Variants in MYT1L observed in about 807,000 individuals in gnomAD.
MYT1L encodes myelin transcription factor 1 like.
MYT1L carries 12 observed loss-of-function variants against 126.7 expected under a neutral mutation model. That is an observed-to-expected ratio of 0.09 (90% confidence interval 0.06 to 0.15). MYT1L has a LOEUF of 0.15. Among genes scored for constraint, MYT1L ranks in the 10% least tolerant of loss-of-function variants. MYT1L has a pLI of 1.00. For missense variants in MYT1L, 979 were observed against 1,585.2 expected, an observed-to-expected ratio of 0.62 and a Z score of 6.49; for synonymous variants, 541 against 604.2, an observed-to-expected ratio of 0.90 and a Z score of 1.53.
In MYT1L at chr2:1,979,446, G is replaced by A; in HGVS notation, c.89+75C>T. The A allele has an allele frequency of 7.2e-7, 1 of 1,387,602 alleles. No individual in the cohort carries two copies. The highest frequency in any genetic ancestry group is 1.0e-6 in the Non-Finnish European group (1 of 973,888). 86.0% of individuals were successfully genotyped at this position (1,387,602 alleles called of 1,614,324 possible). Reference sequence around the variant, plus strand: ...GAGCAAGCTGCCGATGAGCTGGAAGGTGCAGTGTGCCCATTAGAAGGCGTG... The same window carrying A: ...GAGCAAGCTGCCGATGAGCTGGAAGATGCAGTGTGCCCATTAGAAGGCGTG... On this transcript the variant is annotated intron_variant, in intron 7 of 24. Coordinates refer to ENST00000647738, the MANE Select transcript of MYT1L (RefSeq NM_001303052.2). This position sits in a 1 kb window ranked among gnomAD's most constrained non-coding sequence, Gnocchi z 4.0.
intron 1 of MYT1L, among the ~76,000 whole-genome samples, chr2:2,296,557 T>C (rs2095697128): frequency 6.6e-6 from 1 of 152,174 alleles, no homozygotes; most frequent in East Asian, 1.9e-4. Context: ...AGATGTTTTG[T>C]TTTTTTCTAG....
intron 3 of MYT1L, among the ~76,000 whole-genome samples, chr2:2,144,354 C>T (rs1386866008): frequency 2.0e-5 from 3 of 152,168 alleles, no homozygotes; most frequent in Non-Finnish European, 4.4e-5. Context: ...CCTCATCTCA[C>T]GTTTCCACCT....
rs372409915 is a variant in MYT1L, at chr2:1,885,303, C to T, written c.2711+1236G>A. 3.9e-5 allele frequency: 6 copies of T among 152,836 alleles called. No homozygotes were observed. The South Asian group carries it at 6.2e-4, about 16-fold the overall frequency. The allele number at this position is 152,836 out of a possible 1,614,324, so 9.5% of individuals were successfully genotyped here. A position where few individuals can be genotyped will look rare whatever the true frequency, so the allele number is the denominator to read the frequency against. On this transcript the variant is annotated intron_variant, in intron 18 of 24. Coordinates refer to ENST00000647738, the MANE Select transcript of MYT1L (RefSeq NM_001303052.2). ...TGCTAATGCTGTCCGTTTTGAGATC[C>T]TAAATCTACTTTTCCATGAGGCACT...
chr2:1,831,673 C>T (rs774068258), intron 21 of MYT1L, among the ~76,000 whole-genome samples: 14 of 152,182 alleles, frequency 9.2e-5, no homozygotes, highest in East Asian at 1.9e-4. Flanking sequence ...TCCGCCACAC[C>T]GGCCTCTCGC....
chr2:2,106,103 C>T lies in MYT1L; in HGVS notation c.-303-51980G>A, dbSNP rs192675773. On this transcript the variant is annotated intron_variant, in intron 3 of 24. Transcript: ENST00000647738. ...ACTGCAGTGTGGAGCACCACGCAGC[C>T]AGCTCATGGAGGGAATGTGGCTCAC... Among the ~76,000 whole-genome samples, 388 of 152,274 alleles carry T rather than the reference C, an allele frequency of 2.5e-3. 2 individuals carry two copies. Among genetic ancestry groups the T allele is most frequent in the Non-Finnish European group, 3.1e-3 (208 of 68,012 alleles).
chr2:1,931,960 G>A (rs2055062987), intron 9 of MYT1L, among the ~76,000 whole-genome samples: 1 of 152,140 alleles, frequency 6.6e-6, no homozygotes, highest in Admixed American at 6.5e-5. Flanking sequence ...TCACACATAC[G>A]TGAGGATGCC....
intron 3 of MYT1L, among the ~76,000 whole-genome samples, chr2:2,113,027 C>T (rs752273987): frequency 2.0e-5 from 3 of 152,140 alleles, no homozygotes; most frequent in Non-Finnish European, 4.4e-5. Context: ...GCTGTGGCCA[C>T]GACGAGGAGC....
chr2:1,983,029 G>A (rs1174453850), intron 5 of MYT1L, among the ~76,000 whole-genome samples: 1 of 151,894 alleles, frequency 6.6e-6, no homozygotes, highest in African/African-American at 2.4e-5. Flanking sequence ...ATGCATATAG[G>A]GGCAAACTTA....
chr2:2,017,258 T>C (rs1301730957), intron 4 of MYT1L, among the ~76,000 whole-genome samples: 5 of 152,230 alleles, frequency 3.3e-5, no homozygotes, highest in African/African-American at 4.8e-5. Context: ...CCTTCCTTTG[T>C]AGCATTCTGC....
chr2:1,870,033 T>G (rs2148701130), intron 18 of MYT1L, among the ~76,000 whole-genome samples: 1 of 152,134 alleles, frequency 6.6e-6, no homozygotes, highest in Middle Eastern at 3.4e-3. Flanking sequence ...TGTCAGACGA[T>G]TTTTCAGAGC....
At chr2:1,861,947 G>GACTGCAGCTTCTGTAATCCCAGATCTT (rs2044715331) in intron 18 of MYT1L, among the ~76,000 whole-genome samples, 1 of 144,490 alleles carries the variant, frequency 6.9e-6, no homozygotes. Context: ...TCCTGGATCT[G>GACTGCAGCTTCTGTAATCCCAGATCTT]CCTGCAGCCT....
At chr2:2,117,392 C>A (rs917039793) in intron 3 of MYT1L, among the ~76,000 whole-genome samples, 7 of 152,170 alleles carry the variant, frequency 4.6e-5, no homozygotes, top group African/African-American at 1.2e-4. Context: ...GACGTCTCCA[C>A]CCTCAGGGAT....
At chr2:2,028,698 T>C (rs1165690207) in intron 4 of MYT1L, among the ~76,000 whole-genome samples, 1 of 152,218 alleles carries the variant, frequency 6.6e-6, no homozygotes, top group Non-Finnish European at 1.5e-5. Context: ...CCACAAACAT[T>C]GATTTGTCAA....
At chr2:2,112,995 A>T (rs1449237147) in intron 3 of MYT1L, among the ~76,000 whole-genome samples, 2 of 152,110 alleles carry the variant, frequency 1.3e-5, no homozygotes, top group African/African-American at 4.8e-5. Context: ...GGAAGGCAGC[A>T]AGTGCTCAGC....
At chr2:2,217,861 A>G (rs2093737094) in intron 2 of MYT1L, among the ~76,000 whole-genome samples, 1 of 152,226 alleles carries the variant, frequency 6.6e-6, no homozygotes, top group African/African-American at 2.4e-5. Context: ...AGAGCTCTCG[A>G]AACTTAATGA....
chr2:1,840,267 A>G (rs756853194), intron 20 of MYT1L, among the ~76,000 whole-genome samples: 2 of 152,046 alleles, frequency 1.3e-5, no homozygotes, highest in Non-Finnish European at 2.9e-5. Flanking sequence ...ATGGGGACAA[A>G]CACCCCCTTG....
At position 1,910,184 on chromosome 2, in the gene MYT1L, G is replaced by T; in HGVS notation, c.1817+56C>A. On this transcript the variant is annotated intron_variant, in intron 13 of 24. Coordinates refer to ENST00000647738, the MANE Select transcript of MYT1L (RefSeq NM_001303052.2). This position sits in a 1 kb window ranked among gnomAD's most constrained non-coding sequence, Gnocchi z 4.8. Reference sequence around the variant, plus strand: ...CCTGAGCGGGTGTCCCCAGCGCTCCGAGGTGTGGGGCAGACTATGGATAGA... The same window carrying T: ...CCTGAGCGGGTGTCCCCAGCGCTCCTAGGTGTGGGGCAGACTATGGATAGA... The T allele has an allele frequency of 6.6e-7, 1 of 1,511,188 alleles. No individual in the cohort carries two copies. The highest frequency in any genetic ancestry group is 9.1e-7 in the Non-Finnish European group (1 of 1,094,672). The allele number at this position is 1,511,188 out of a possible 1,614,324, so 93.6% of individuals were successfully genotyped here.
At position 1,790,639 on chromosome 2, in the gene MYT1L, G is replaced by C. The variant is rs566681030; in HGVS notation, c.*1228C>G. On this transcript the variant is annotated 3_prime_UTR_variant, in exon 25 of 25. Coordinates refer to ENST00000647738, the MANE Select transcript of MYT1L (RefSeq NM_001303052.2). ...CACCCAAGTGTAGAACAGAAACGTCGTGGTAAGAGTCCTCTGAATAGGACC... is the reference window on the plus strand; with the variant it reads ...CACCCAAGTGTAGAACAGAAACGTCCTGGTAAGAGTCCTCTGAATAGGACC... The C allele has an allele frequency of 6.6e-6, 1 of 152,072 alleles. No homozygotes were observed. The highest frequency in any genetic ancestry group is 2.4e-5 in the African/African-American group (1 of 40,982). 9.4% of individuals were successfully genotyped at this position (152,072 alleles called of 1,614,324 possible).
chr2:2,184,508 C>T (rs2091909480), intron 2 of MYT1L, among the ~76,000 whole-genome samples: 1 of 152,144 alleles, frequency 6.6e-6, no homozygotes, highest in Admixed American at 6.5e-5. Flanking sequence ...GTCAAAGTAG[C>T]ATGCTTTTAA....
Sources: gnomAD v4.1 joint callset for allele counts (sites outside exome capture counted in the v4.1 genomes callset) on GRCh38, gnomAD v4.1.1 for gene constraint, Gnocchi (gnomAD v3.1) non-coding constraint, MANE v1.5 for transcripts, NCBI Gene and HGNC (gene_info 2026-07-23, HGNC 2026-07-21) for gene names.